The following CENPP variants were observed in gnomAD, a reference collection of about 807,000 sequenced individuals.
CENPP encodes the protein centromere protein P.
In CENPP, 24 loss-of-function variants were observed where a neutral mutation model predicts 35.6. The ratio of observed to expected loss-of-function variants is 0.67; its 90% CI spans 0.49 to 0.95. The LOEUF is 0.95. Ranked by LOEUF, CENPP falls within the 40% of genes least tolerant of loss-of-function variation. CENPP has a pLI of 0.00. For synonymous variants in CENPP, 120 were observed against 125.5 expected, an observed-to-expected ratio of 0.96 and a Z score of 0.29; for missense variants, 332 against 345.3, an observed-to-expected ratio of 0.96 and a Z score of 0.31.
intron 5 of CENPP, chr9:92,403,434 G>A (rs757629271): frequency 3.1e-5 from 50 of 1,587,566 alleles, no homozygotes; most frequent in Non-Finnish European, 3.8e-5. Context: ...GTGACTGGAA[G>A]TTAATAAACT....
At position 92,613,251 on chromosome 9, in the gene CENPP, G is replaced by A. The variant is rs1369305346; in HGVS notation, c.*102G>A. The A allele has an allele frequency of 7.9e-6, 11 of 1,390,352 alleles. No homozygotes were observed. Among genetic ancestry groups the A allele is most frequent in the Non-Finnish European group, 1.1e-5 (11 of 988,488 alleles). The allele number at this position is 1,390,352 out of a possible 1,614,324, so 86.1% of individuals were successfully genotyped here. ...ATTTTCTGCTTAGAAACCACACCCTGAAGACGTGCTGTCTATGCAGTTATG... is the reference window on the plus strand; with the variant it reads ...ATTTTCTGCTTAGAAACCACACCCTAAAGACGTGCTGTCTATGCAGTTATG... On this transcript the variant is annotated 3_prime_UTR_variant, in exon 8 of 8. Transcript: ENST00000375587.
chr9:92,337,514 C>T, intron 2 of CENPP, 27 bp from the exon 3 acceptor site: 3 of 1,359,362 alleles, frequency 2.2e-6, no homozygotes, highest in Non-Finnish European at 3.1e-6. Context: ...TATTTGCAAA[C>T]AAAATATTTG....
intron 5 of CENPP, among the ~76,000 whole-genome samples, chr9:92,567,399 T>TAGATAGATAGATAGATAG (rs34193112): frequency 7.3e-4 from 99 of 136,210 alleles, no homozygotes; most frequent in East Asian, 1.3e-3. Context: ...TATATATAGA[T>TAGATAGATAGATAGATAG]ATATATATAA....
At chr9:92,487,993 T>C (rs1846099452) in intron 5 of CENPP, among the ~76,000 whole-genome samples, 1 of 152,250 alleles carries the variant, frequency 6.6e-6, no homozygotes, top group African/African-American at 2.4e-5. Flanking sequence ...ATCAGCTTTG[T>C]GTTAGATGAT....
chr9:92,489,692 G>A (rs1473438738), intron 5 of CENPP, among the ~76,000 whole-genome samples: 1 of 151,900 alleles, frequency 6.6e-6, no homozygotes, highest in East Asian at 1.9e-4. Flanking sequence ...CCCTCAGCCT[G>A]GAGATCCTGC....
At chr9:92,438,516 TTTG>T (rs1157048467) in intron 5 of CENPP, among the ~76,000 whole-genome samples, 1 of 152,232 alleles carries the variant, frequency 6.6e-6, no homozygotes, top group African/African-American at 2.4e-5. Context: ...ATCCTCTAAC[TTTG>T]TTGTTCTTTT....
chr9:92,468,058 G>A (rs927767496), intron 5 of CENPP, among the ~76,000 whole-genome samples: 9 of 152,182 alleles, frequency 5.9e-5, no homozygotes, highest in Non-Finnish European at 1.2e-4. Context: ...GAGGAAATGC[G>A]TAAAGTGAAG....
chr9:92,512,106 G>T lies in CENPP; in HGVS notation c.565-99208G>T, dbSNP rs1304538107. On this transcript the variant is annotated intron_variant, in intron 5 of 7. Transcript: ENST00000375587. The stretch of plus-strand genomic sequence containing the variant: ...GGTAATCCATTAAATGCTTCATCTG[G>T]GATGGAGGCGATGGAATTGCCTAGG... The T allele has an allele frequency of 2.5e-6, 4 of 1,613,668 alleles. No individual in the cohort carries two copies. The highest frequency in any genetic ancestry group is 3.4e-6 in the Non-Finnish European group (4 of 1,179,740).
At chr9:92,500,639 G>A (rs1398989741) in intron 5 of CENPP, 11 of 1,351,546 alleles carry the variant, frequency 8.1e-6, no homozygotes, top group African/African-American at 7.4e-5. Context: ...TTCCCTTAAC[G>A]TAAATCCCAG....
In CENPP at chr9:92,593,973, T is replaced by G. The variant is rs919011417; in HGVS notation, c.565-17341T>G. Reference sequence around the variant, plus strand: ...GAACAGAAGGACATTAAGGCAAAACTGAGGAAATCTGAATGAAATTTGGAC... The same window carrying G: ...GAACAGAAGGACATTAAGGCAAAACGGAGGAAATCTGAATGAAATTTGGAC... On this transcript the variant is annotated intron_variant, in intron 5 of 7. Transcript: ENST00000375587. The surrounding 1 kb of genome is among the most constrained non-coding windows in gnomAD (Gnocchi z 4.1). 6.6e-6 allele frequency among the ~76,000 whole-genome samples: 1 copy of G among 152,156 alleles called. No individual in the cohort carries two copies. Among genetic ancestry groups the G allele is most frequent in the Non-Finnish European group, 1.5e-5 (1 of 68,040 alleles).
At chr9:92,424,118 T>C (rs1395769734) in intron 5 of CENPP, 1 of 152,246 alleles carries the variant, frequency 6.6e-6, no homozygotes, top group Non-Finnish European at 1.5e-5. Flanking sequence ...CAGTCTATTT[T>C]AATATTAAAA....
chr9:92,444,285 A>T (rs1844495400), intron 5 of CENPP, among the ~76,000 whole-genome samples: 1 of 151,868 alleles, frequency 6.6e-6, no homozygotes, highest in African/African-American at 2.4e-5. Context: ...CTATCTTTTC[A>T]TGTGTTTATT....
At chr9:92,503,750 G>A (rs1588192797) in intron 5 of CENPP, among the ~76,000 whole-genome samples, 1 of 152,216 alleles carries the variant, frequency 6.6e-6, no homozygotes, top group African/African-American at 2.4e-5. Flanking sequence ...TTAGAAATTA[G>A]TAAAACAATT....
At chr9:92,450,429 C>A (rs936681544) in intron 5 of CENPP, among the ~76,000 whole-genome samples, 5 of 152,016 alleles carry the variant, frequency 3.3e-5, no homozygotes, top group African/African-American at 7.3e-5. Flanking sequence ...ATGAACTCAT[C>A]ATTTTTTATG....
intron 5 of CENPP, among the ~76,000 whole-genome samples, chr9:92,455,185 G>A (rs760577415): frequency 2.6e-5 from 4 of 152,116 alleles, no homozygotes; most frequent in Non-Finnish European, 5.9e-5. Flanking sequence ...ATTACTTGAA[G>A]CCAGGAGTTC....
intron 4 of CENPP, among the ~76,000 whole-genome samples, chr9:92,362,563 T>G (rs2130836313): frequency 6.6e-6 from 1 of 152,374 alleles, no homozygotes; most frequent in South Asian, 2.1e-4. Context: ...AGTTTTTCAC[T>G]CAATGAAACT....
intron 2 of CENPP, 110 bp from the exon 3 acceptor site, chr9:92,337,431 C>T (rs750152633): frequency 1.5e-6 from 1 of 646,686 alleles, no homozygotes; most frequent in Non-Finnish European, 2.8e-6. Flanking sequence ...CTAATGCACA[C>T]TTTCACACAT....
chr9:92,494,821 C>G (rs1368109768), intron 5 of CENPP, among the ~76,000 whole-genome samples: 1 of 152,066 alleles, frequency 6.6e-6, no homozygotes, highest in South Asian at 2.1e-4. Flanking sequence ...GCAGGAGAAT[C>G]GCTTGAACCC....
rs1851293740 is a variant in CENPP at position 92,612,549 on chromosome 9, T to C, written c.671T>C (p.Ile224Thr). Residue 224 changes from isoleucine (I) to threonine (T), a missense_variant, in exon 7 of 8, where the codon ATA becomes ACA. Coordinates refer to ENST00000375587, the MANE Select transcript of CENPP (RefSeq NM_001012267.3). Reference protein sequence around the residue: ...PGFELVIVWRIQIDEDGKVFP... With the variant: ...PGFELVIVWRTQIDEDGKVFP... ...TTTGAATTAGTCATTGTTTGGAGGA[T>C]ACAAATAGATGAAGATGGGAAGGTT... 1 of 1,613,974 alleles carries C rather than the reference T, an allele frequency of 6.2e-7. No individual in the cohort carries two copies. Among genetic ancestry groups the C allele is most frequent in the Non-Finnish European group, 8.5e-7 (1 of 1,179,872 alleles).
Sources: gnomAD v4.1 joint callset for allele counts (sites outside exome capture counted in the v4.1 genomes callset) on GRCh38, gnomAD v4.1.1 for gene constraint, Gnocchi (gnomAD v3.1) non-coding constraint, MANE v1.5 for transcripts, NCBI Gene and HGNC (gene_info 2026-07-23, HGNC 2026-07-21) for gene names.